Variants in AKT3 observed in about 807,000 individuals in gnomAD.
AKT3 encodes the protein AKT serine/threonine kinase 3, also known as RAC-gamma serine/threonine-protein kinase.
AKT3 carries 15 observed loss-of-function variants against 65.3 expected under a neutral mutation model. That is an observed-to-expected ratio of 0.23 (90% confidence interval 0.15 to 0.35). The LOEUF is 0.35. Ranked by LOEUF, AKT3 falls within the 10% of genes least tolerant of loss-of-function variation. AKT3 has a pLI of 1.00. For missense variants in AKT3, 243 were observed against 576.5 expected (o/e 0.42, Z 5.92); for synonymous variants, 206 against 183.8 (o/e 1.12, Z -0.98).
At chr1:243,566,480 T>C (rs985969415) in intron 9 of AKT3, among the ~76,000 whole-genome samples, 3 of 152,038 alleles carry the variant, frequency 2.0e-5, no homozygotes, top group African/African-American at 7.2e-5. Context: ...TACAATGATA[T>C]AGTAAGAAAT....
intron 2 of AKT3, among the ~76,000 whole-genome samples, chr1:243,806,906 T>C (rs548908992): frequency 5.3e-4 from 81 of 152,186 alleles, no homozygotes; most frequent in Non-Finnish European, 1.1e-3. Flanking sequence ...CAAATATGGA[T>C]CTCAAATATG....
At chr1:243,627,871 T>C (rs1179332944) in intron 6 of AKT3, among the ~76,000 whole-genome samples, 1 of 152,214 alleles carries the variant, frequency 6.6e-6, no homozygotes, top group East Asian at 1.9e-4. Context: ...TCCGTAAAAC[T>C]ACCTGAAAGG....
At chr1:243,843,592 G>A (rs1695378472) in intron 1 of AKT3, 2 of 1,006,668 alleles carry the variant, frequency 2.0e-6, no homozygotes, top group Admixed American at 5.9e-5. Flanking sequence ...GAGGTGAAGA[G>A]GGAAGAGAAT....
rs1234367498 is a variant in AKT3, at chr1:243,838,987, T to C, written c.46+4138A>G. ...TGATAAAAATCACCTCTTAGATTTATGACAATCTCAAAACAGTAACATTAT... is the reference window on the plus strand; with the variant it reads ...TGATAAAAATCACCTCTTAGATTTACGACAATCTCAAAACAGTAACATTAT... On this transcript the variant is annotated intron_variant, in intron 2 of 13. Transcript: ENST00000673466. Among the ~76,000 whole-genome samples, 12 of 152,194 alleles carry C rather than the reference T, an allele frequency of 7.9e-5. 1 individual carries two copies. The highest frequency in any genetic ancestry group is 7.2e-4 in the Admixed American group (11 of 15,278).
intron 2 of AKT3, among the ~76,000 whole-genome samples, chr1:243,704,396 A>G (rs1289507287): frequency 6.6e-6 from 1 of 152,094 alleles, no homozygotes; most frequent in Non-Finnish European, 1.5e-5. Flanking sequence ...TAAGTCTAGT[A>G]GGCAGCTGTG....
At chr1:243,664,235 C>T (rs1459627650) in intron 4 of AKT3, among the ~76,000 whole-genome samples, 4 of 118,558 alleles carry the variant, frequency 3.4e-5, no homozygotes, top group Non-Finnish European at 6.4e-5. Flanking sequence ...CTCGCTCTGT[C>T]GCCCAGGCTG....
At chr1:243,593,175 G>A (rs1676353684) in intron 8 of AKT3, among the ~76,000 whole-genome samples, 2 of 152,170 alleles carry the variant, frequency 1.3e-5, no homozygotes, top group South Asian at 2.1e-4. Flanking sequence ...CACGTTGCAT[G>A]AGGCCAGCAT....
chr1:243,791,963 G>A (rs1691657014), intron 2 of AKT3, among the ~76,000 whole-genome samples: 1 of 152,172 alleles, frequency 6.6e-6, no homozygotes, highest in Non-Finnish European at 1.5e-5. Context: ...GGTTTATGAA[G>A]ACCAAAAATT....
intron 2 of AKT3, among the ~76,000 whole-genome samples, chr1:243,722,655 C>T (rs534024997): frequency 9.9e-5 from 15 of 152,132 alleles, no homozygotes; most frequent in Non-Finnish European, 1.8e-4. Flanking sequence ...CCTGCCCAAT[C>T]CCCACTGAAA....
At chr1:243,820,519 T>C (rs1693794171) in intron 2 of AKT3, among the ~76,000 whole-genome samples, 1 of 152,192 alleles carries the variant, frequency 6.6e-6, no homozygotes. Context: ...TGAAGGAGCA[T>C]GTTCAAACCC....
intron 11 of AKT3, among the ~76,000 whole-genome samples, chr1:243,547,129 C>T (rs1672731990): frequency 6.6e-6 from 1 of 151,696 alleles, no homozygotes; most frequent in African/African-American, 2.4e-5. Context: ...ATAGTATTTG[C>T]CAATTCTGGC....
At chr1:243,757,065 T>C (rs1252594667) in intron 2 of AKT3, among the ~76,000 whole-genome samples, 1 of 152,202 alleles carries the variant, frequency 6.6e-6, no homozygotes, top group Non-Finnish European at 1.5e-5. Flanking sequence ...TATGAAGCCA[T>C]TCCACATGAA....
intron 10 of AKT3, among the ~76,000 whole-genome samples, chr1:243,555,661 G>T (rs1438918888): frequency 2.6e-5 from 4 of 151,996 alleles, no homozygotes; most frequent in Non-Finnish European, 4.4e-5. Context: ...CATGGTTATT[G>T]TGAGGGCTGG....
At position 243,793,847 on chromosome 1, in the gene AKT3, T is replaced by A. The variant is rs1691782575; in HGVS notation, c.46+49278A>T. Among the ~76,000 whole-genome samples the A allele has an allele frequency of 2.0e-5, 3 of 151,200 alleles. No homozygotes were observed. In the South Asian group the frequency reaches 6.3e-4, roughly 32 times the overall value. On this transcript the variant is annotated intron_variant, in intron 2 of 13. Coordinates refer to ENST00000673466, the MANE Select transcript of AKT3 (RefSeq NM_005465.7). ...CCTAGGGTCTAGGAGCTCGACTGAG[T>A]AGCTCATCTACTTTAACATCCATTA...
At chr1:243,526,179 CG>C (rs1284944731) in intron 12 of AKT3, among the ~76,000 whole-genome samples, 1 of 151,872 alleles carries the variant, frequency 6.6e-6, no homozygotes, top group Admixed American at 6.6e-5. Context: ...AGTTGAGAAG[CG>C]AAGATGCAAG....
At chr1:243,755,772 C>T (rs967361335) in intron 2 of AKT3, among the ~76,000 whole-genome samples, 3 of 152,084 alleles carry the variant, frequency 2.0e-5, no homozygotes, top group South Asian at 2.1e-4. Context: ...GTAAAAGAAC[C>T]CTTTTATCAT....
intron 3 of AKT3, among the ~76,000 whole-genome samples, chr1:243,692,396 G>A (rs978840489): frequency 6.6e-6 from 1 of 152,024 alleles, no homozygotes; most frequent in Non-Finnish European, 1.5e-5. Context: ...TAAGCCCTTA[G>A]TCCTTATGAC....
At chr1:243,553,454 A>C (rs1306786377) in intron 10 of AKT3, among the ~76,000 whole-genome samples, 1 of 152,198 alleles carries the variant, frequency 6.6e-6, no homozygotes. Context: ...TCTACAGGGC[A>C]AGACAACCAT....
At chr1:243,548,370 C>CAA (rs1672820760) in intron 11 of AKT3, 2 of 152,192 alleles carry the variant, frequency 1.3e-5, no homozygotes, top group Admixed American at 6.5e-5. Flanking sequence ...AGTTTTCTAG[C>CAA]AATACTTTGG....
Sources: allele counts gnomAD v4.1 joint callset (sites outside exome capture counted in the v4.1 genomes callset), GRCh38; gene constraint gnomAD v4.1.1; transcripts MANE v1.5; gene names NCBI Gene and HGNC (gene_info 2026-07-23, HGNC 2026-07-21).